The following RNF213 variants were observed in gnomAD, a reference collection of about 807,000 sequenced individuals.
RNF213 encodes the protein E3 ubiquitin-protein ligase RNF213.
A neutral mutation model predicts 514.4 loss-of-function variants in RNF213; 341 were observed. The ratio of observed to expected loss-of-function variants is 0.66; its 90% CI spans 0.61 to 0.73. The LOEUF is 0.73. RNF213 is among the 30% of genes least tolerant of loss of function. RNF213 has a pLI of 0.00. For synonymous variants in RNF213, 2,655 were observed against 2,658.2 expected (o/e 1.00, Z 0.04); for missense variants, 5,767 against 6,615.6 (o/e 0.87, Z 4.45).
intron 17 of RNF213, among the ~76,000 whole-genome samples, chr17:80,322,527 G>C (rs1476290372): frequency 6.6e-6 from 1 of 151,986 alleles, no homozygotes; most frequent in Non-Finnish European, 1.5e-5. Flanking sequence ...AGTGAGCTGA[G>C]ATTGTGCCAC....
intron 64 of RNF213, 27 bp from the exon 65 acceptor site, chr17:80,389,143 GACA>G: frequency 6.2e-7 from 1 of 1,609,028 alleles, no homozygotes; most frequent in African/African-American, 1.3e-5. Context: ...CCAGCCCACA[GACA>G]TCCCTCTCCT....
At chr17:80,372,094 C>A (rs971653890) in intron 47 of RNF213, 109 bp downstream of exon 47, 2 of 746,390 alleles carry the variant, frequency 2.7e-6, no homozygotes, top group African/African-American at 3.5e-5. Context: ...ATGCTCTGTT[C>A]CGTGCAGAAA....
Position 80,390,143 on chromosome 17 carries a change from G to C in RNF213, c.15417G>C (p.Leu5139Phe), listed in dbSNP as rs980572671. 2 of 1,614,048 alleles carry C rather than the reference G, an allele frequency of 1.2e-6. No homozygotes were observed. Among genetic ancestry groups the C allele is most frequent in the Non-Finnish European group, 1.7e-6 (2 of 1,180,046 alleles). ...TAGAGCTGCACGAAATGATAATCTT[G>C]AAACTAAAGAACCCCCAAACCCAAA... ...FLLELHEMII[L>F]KLKNPQTQTE... is the part of the protein sequence containing the mutation. Residue 5139 changes from leucine (L) to phenylalanine (F), a missense_variant, in exon 67 of 68, where the codon TTG (leucine) becomes TTC (phenylalanine). Physicochemically the swap from Leu to Phe is conservative, Grantham distance 22. Transcript: ENST00000582970.
chr17:80,344,096 T>G, intron 28 of RNF213, 81 bp downstream of exon 28: 1 of 1,458,274 alleles, frequency 6.9e-7, no homozygotes, highest in East Asian at 2.3e-5. Context: ...ATGGCGCGTT[T>G]AGGAGACTCC....
Position 80,340,294 on chromosome 17 carries a change from C to T in RNF213, c.5927C>T (p.Ala1976Val), listed in dbSNP as rs137919301. The T allele has an allele frequency of 2.2e-4, 357 of 1,613,768 alleles. No individual in the cohort carries two copies. Among genetic ancestry groups the T allele is most frequent in the Non-Finnish European group, 2.9e-4 (347 of 1,179,988 alleles). Residue 1976 changes from alanine to valine, a missense_variant, in exon 26 of 68, where the codon GCG becomes GTG. Ala to Val is a moderately conservative substitution (Grantham distance 64). Coordinates refer to ENST00000582970, the MANE Select transcript of RNF213 (RefSeq NM_001256071.3). ...CGGGTCCCGAAGCAGACCCTGTCGGCGGCAGCCGTGTTCAATGACCGGCTG... is the reference window on the plus strand; with the variant it reads ...CGGGTCCCGAAGCAGACCCTGTCGGTGGCAGCCGTGTTCAATGACCGGCTG... ...HYRVPKQTLS[A>V]AAVFNDRLCV...
At chr17:80,379,464 C>T in intron 54 of RNF213, 156 bp from the exon 55 acceptor site, 2 of 743,604 alleles carry the variant, frequency 2.7e-6, no homozygotes, top group South Asian at 2.9e-5. Flanking sequence ...ACCCTGTTCC[C>T]ATGGGTTCTC....
chr17:80,310,660 C>A (rs1484414971), intron 14 of RNF213, among the ~76,000 whole-genome samples: 1 of 152,022 alleles, frequency 6.6e-6, no homozygotes, highest in Non-Finnish European at 1.5e-5. Flanking sequence ...TCAAGTGATT[C>A]TCCTGCCTCA....
rs2045919338 is a variant in RNF213 at position 80,315,829 on chromosome 17, AT to A, written c.2812-1358del. On this transcript the variant is annotated intron_variant, in intron 15 of 67. Coordinates refer to ENST00000582970, the MANE Select transcript of RNF213 (RefSeq NM_001256071.3). ...GGTGGTGGTGGTGGTGGTGGTGGTG[AT>A]GGTGATGGTGGTGGTGGTGGTGGTG... is the stretch of plus-strand genomic sequence containing the variant. 1.1e-3 allele frequency: 21 copies of A among 19,538 alleles called. 6 individuals are homozygous for A. Among genetic ancestry groups the A allele is most frequent in the South Asian group, 3.6e-3 (2 of 554 alleles). 1.2% of individuals were successfully genotyped at this position (19,538 alleles called of 1,614,324 possible).
chr17:80,309,401 G>A (rs1018021803), intron 14 of RNF213, among the ~76,000 whole-genome samples: 5 of 152,178 alleles, frequency 3.3e-5, no homozygotes, highest in Non-Finnish European at 1.5e-5. Context: ...TTTCCTGGGA[G>A]GGAGGCAGGG....
At position 80,355,405 on chromosome 17, in the gene RNF213, G is replaced by C. The variant is rs920611122; in HGVS notation, c.10862+829G>C. Reference sequence around the variant, plus strand: ...GGGAAGAAGCGGGGTGAATGGGAATGGGGGCTCACGGAGGAAGAAGCGGGG... The same window carrying C: ...GGGAAGAAGCGGGGTGAATGGGAATCGGGGCTCACGGAGGAAGAAGCGGGG... On this transcript the variant is annotated intron_variant, in intron 36 of 67. Transcript: ENST00000582970. 19 of 265,482 alleles carry C rather than the reference G, an allele frequency of 7.2e-5. 2 individuals are homozygous for C. Among genetic ancestry groups the C allele is most frequent in the African/African-American group, 2.0e-4 (8 of 40,016 alleles). 16.4% of individuals were successfully genotyped at this position (265,482 alleles called of 1,614,324 possible).
rs148776624 is a variant in RNF213, at chr17:80,383,801, A to C, written c.14195A>C (p.Lys4732Thr). The C allele has an allele frequency of 4.2e-4, 684 of 1,614,168 alleles. 4 individuals carry two copies. The highest frequency in any genetic ancestry group is 3.6e-3 in the South Asian group (332 of 91,076). Residue 4732 changes from lysine to threonine, a missense_variant, in exon 59 of 68, where the codon AAA (lysine) becomes ACA (threonine). By Grantham distance (78) the Lys-to-Thr change is moderately conservative. This residue lies in a region of RNF213 where 1,245 missense variants were observed against 1,339.0 expected (regional missense o/e 0.93). Transcript: ENST00000582970. The part of the protein sequence containing the change: ...PVTFLPHLPR[K>T]SVVHCSKIWS... ...ACCTTCCTGCCCCACCTGCCCCGGAAAAGTGTGGTCCATTGCTCTAAGATT... is the reference window on the plus strand; with the variant it reads ...ACCTTCCTGCCCCACCTGCCCCGGACAAGTGTGGTCCATTGCTCTAAGATT...
intron 14 of RNF213, among the ~76,000 whole-genome samples, chr17:80,311,087 A>C (rs1348745331): frequency 3.9e-5 from 6 of 152,204 alleles, no homozygotes; most frequent in Non-Finnish European, 8.8e-5. Context: ...TTTGTCAGTT[A>C]CTTAGGATTT....
At chr17:80,275,756 A>G (rs113718409) in intron 3 of RNF213, among the ~76,000 whole-genome samples, 1,741 of 152,040 alleles carry the variant, frequency 0.011, 25 homozygotes, top group African/African-American at 0.04. Flanking sequence ...TTTGCCTCCC[A>G]GGTTCAAGTG....
chr17:80,383,166 C>T (rs890034874), intron 58 of RNF213, 96 bp downstream of exon 58: 125 of 855,570 alleles, frequency 1.5e-4, no homozygotes, highest in South Asian at 1.8e-4. Context: ...CCCCTCGTAG[C>T]GGTGCCAGCA....
chr17:80,372,789 A>G, intron 48 of RNF213, 55 bp downstream of exon 48: 3 of 1,561,374 alleles, frequency 1.9e-6, no homozygotes, highest in Non-Finnish European at 1.8e-6. Context: ...TTATTTAGAA[A>G]TTCAGGAAGT....
chr17:80,284,935 A>G (rs147879460), intron 3 of RNF213, among the ~76,000 whole-genome samples: 2 of 152,344 alleles, frequency 1.3e-5, no homozygotes, highest in African/African-American at 2.4e-5. Flanking sequence ...GATGATAGAC[A>G]TCAGTGGTTG....
rs756893436 is a variant in RNF213, at chr17:80,368,084, C to A, written c.12096C>A (p.Cys4032Ter). 2 of 1,614,136 alleles carry A rather than the reference C, an allele frequency of 1.2e-6. No homozygotes were observed. The change falls in exon 44 of 68, where the codon TGC (cysteine) becomes TGA (stop). Residue 4032 changes from cysteine (C) to a stop codon, truncating the protein, a stop_gained. Coordinates refer to ENST00000582970, the MANE Select transcript of RNF213 (RefSeq NM_001256071.3). LOFTEE classifies it high-confidence loss of function. ...RAWFASEQMI[C>*]PYCLTALPDE... Reference sequence around the variant, plus strand: ...GGTTTGCCTCAGAGCAGATGATATGCCCCTACTGTTTAACTGCCTTGCCAG... The same window carrying A: ...GGTTTGCCTCAGAGCAGATGATATGACCCTACTGTTTAACTGCCTTGCCAG...
At chr17:80,272,185 G>A (rs967466881) in intron 2 of RNF213, among the ~76,000 whole-genome samples, 7 of 151,994 alleles carry the variant, frequency 4.6e-5, no homozygotes, top group Non-Finnish European at 8.8e-5. Flanking sequence ...TTGGGAGGCC[G>A]AGGCAGGAGA....
At chr17:80,308,236 A>T (rs917934394) in intron 13 of RNF213, among the ~76,000 whole-genome samples, 6 of 151,854 alleles carry the variant, frequency 4.0e-5, no homozygotes, top group African/African-American at 1.5e-4. Context: ...GTCTCTGCCG[A>T]TGTTGATCCA....
Sources: allele counts gnomAD v4.1 joint callset (sites outside exome capture counted in the v4.1 genomes callset), GRCh38; gene constraint gnomAD v4.1.1; regional missense constraint gnomAD v4.1.1; transcripts MANE v1.5; gene names NCBI Gene and HGNC (gene_info 2026-07-23, HGNC 2026-07-21).